The following DLG2 variants were observed in gnomAD, a reference collection of about 807,000 sequenced individuals.
DLG2 encodes the protein disks large homolog 2.
DLG2 carries 45 observed loss-of-function variants against 132.5 expected under a neutral mutation model. The observed-to-expected ratio is 0.34, with a 90% confidence interval of 0.27 to 0.44. The LOEUF (loss-of-function observed/expected upper bound fraction) is 0.44. DLG2 is among the 20% of genes least tolerant of loss of function. The probability of loss-of-function intolerance (pLI) is 1.00; values close to 1 mark genes in which losing one functional copy is unlikely to be tolerated. For synonymous variants in DLG2, 424 were observed against 419.6 expected (o/e 1.01, Z -0.13); for missense variants, 1,045 against 1,196.9 (o/e 0.87, Z 1.87).
At chr11:83,808,759 C>T (rs773497963) in intron 17 of DLG2, among the ~76,000 whole-genome samples, 1 of 152,146 alleles carries the variant, frequency 6.6e-6, no homozygotes, top group Non-Finnish European at 1.5e-5. Flanking sequence ...GTACACTGCA[C>T]TGTACACCGT....
intron 9 of DLG2, among the ~76,000 whole-genome samples, chr11:84,112,240 C>T (rs2093389933): frequency 6.6e-6 from 1 of 151,848 alleles, no homozygotes; most frequent in Non-Finnish European, 1.5e-5. Context: ...CCCCGTGATC[C>T]ACCCGCCTCG....
intron 6 of DLG2, among the ~76,000 whole-genome samples, chr11:84,562,739 T>C (rs1339814532): frequency 2.0e-5 from 3 of 151,842 alleles, no homozygotes; most frequent in African/African-American, 7.3e-5. Flanking sequence ...CTCTTTTTCT[T>C]TCTTTCTTTC....
intron 21 of DLG2, among the ~76,000 whole-genome samples, chr11:83,528,318 A>C (rs1175924015): frequency 6.6e-6 from 1 of 152,178 alleles, no homozygotes; most frequent in Non-Finnish European, 1.5e-5. Context: ...TTCAAAATCC[A>C]ATAAGCTTCT....
At chr11:84,604,144 T>G (rs2099581395) in intron 6 of DLG2, among the ~76,000 whole-genome samples, 1 of 151,940 alleles carries the variant, frequency 6.6e-6, no homozygotes, top group African/African-American at 2.4e-5. Flanking sequence ...TTGACTAAGA[T>G]TGCATAACTA....
intron 18 of DLG2, among the ~76,000 whole-genome samples, chr11:83,748,463 T>C (rs1014403378): frequency 2.0e-5 from 3 of 152,216 alleles, no homozygotes; most frequent in East Asian, 1.9e-4. Flanking sequence ...CTTTTTCTAC[T>C]GTATTAGCCC....
At chr11:84,620,001 G>C (rs1286145182) in intron 6 of DLG2, among the ~76,000 whole-genome samples, 1 of 150,488 alleles carries the variant, frequency 6.6e-6, no homozygotes, top group Non-Finnish European at 1.5e-5. Context: ...CACACCTGAA[G>C]AAAAATAAAA....
intron 6 of DLG2, among the ~76,000 whole-genome samples, chr11:84,739,740 A>C (rs922090292): frequency 6.6e-6 from 1 of 152,222 alleles, no homozygotes; most frequent in African/African-American, 2.4e-5. Context: ...AGGGAAGACA[A>C]ACTAGGTGAA....
intron 7 of DLG2, among the ~76,000 whole-genome samples, chr11:84,438,020 G>A (rs931889960): frequency 3.9e-5 from 6 of 152,294 alleles, no homozygotes; most frequent in African/African-American, 1.4e-4. Flanking sequence ...CAGGCAAGGG[G>A]AGAGGCAGAA....
intron 4 of DLG2, among the ~76,000 whole-genome samples, chr11:85,209,445 C>CTTTATT (rs1554987297): frequency 1.3e-5 from 1 of 74,434 alleles, no homozygotes; most frequent in Admixed American, 2.0e-4. Context: ...AGAAATCAGT[C>CTTTATT]TTTTTTTTTT....
rs114994063 is a variant in DLG2, at chr11:85,430,914, A to C, written c.41-145549T>G. ...TTGAATCTGGGAGGCAGAGGTTGCA[A>C]TGAGCCAAGATTACACCACTGTATT... On this transcript the variant is annotated intron_variant, in intron 3 of 27. Transcript: ENST00000376104. Among the ~76,000 whole-genome samples the C allele has an allele frequency of 3.1e-3, 464 of 152,120 alleles. 1 individual carries two copies. Among genetic ancestry groups the C allele is most frequent in the African/African-American group, 0.011 (447 of 41,516 alleles).
At chr11:85,350,338 T>C (rs552828604) in intron 3 of DLG2, among the ~76,000 whole-genome samples, 2 of 152,168 alleles carry the variant, frequency 1.3e-5, no homozygotes, top group East Asian at 1.9e-4. Context: ...ATTGCAAAAA[T>C]TTTCCCCCAT....
intron 8 of DLG2, among the ~76,000 whole-genome samples, chr11:84,172,692 G>A (rs71468364): frequency 0.057 from 8,668 of 151,878 alleles, 308 homozygotes; most frequent in African/African-American, 0.089. Flanking sequence ...ACAGGCACCC[G>A]CCACCATGCG....
At chr11:83,879,488 A>G (rs2065604368) in intron 15 of DLG2, among the ~76,000 whole-genome samples, 1 of 151,976 alleles carries the variant, frequency 6.6e-6, no homozygotes, top group African/African-American at 2.4e-5. Context: ...CTACCTTAAT[A>G]TTTCTTTCTT....
chr11:85,184,036 G>C (rs373320499), intron 4 of DLG2, among the ~76,000 whole-genome samples: 1 of 151,844 alleles, frequency 6.6e-6, no homozygotes, highest in East Asian at 1.9e-4. Flanking sequence ...TAATTTCCAA[G>C]GGTTATACAG....
intron 6 of DLG2, among the ~76,000 whole-genome samples, chr11:84,793,038 T>C (rs2074087744): frequency 6.6e-6 from 1 of 152,108 alleles, no homozygotes; most frequent in African/African-American, 2.4e-5. Flanking sequence ...TTTTTTGAGG[T>C]AGGCACTTAT....
chr11:84,082,400 A>G (rs907454783), intron 10 of DLG2, among the ~76,000 whole-genome samples: 9 of 152,174 alleles, frequency 5.9e-5, no homozygotes, highest in Admixed American at 5.9e-4. Context: ...CAAATTTTCT[A>G]TGAGGTACAT....
chr11:83,512,419 G>A (rs1026805260), intron 21 of DLG2, among the ~76,000 whole-genome samples: 1 of 152,074 alleles, frequency 6.6e-6, no homozygotes, highest in Non-Finnish European at 1.5e-5. Context: ...CAATAAACGA[G>A]TAATACAAAT....
intron 9 of DLG2, 83 bp from the exon 10 acceptor site, chr11:84,099,130 C>T: frequency 7.9e-7 from 1 of 1,273,538 alleles, no homozygotes; most frequent in Non-Finnish European, 1.1e-6. Context: ...TATCATGTTA[C>T]TACTCAAATG....
intron 7 of DLG2, among the ~76,000 whole-genome samples, chr11:84,397,681 C>T (rs560009228): frequency 1.3e-5 from 2 of 152,314 alleles, no homozygotes; most frequent in South Asian, 4.1e-4. Context: ...GACGTGAGAG[C>T]TATAAGTCTT....
Sources: allele counts gnomAD v4.1 joint callset (sites outside exome capture counted in the v4.1 genomes callset), GRCh38; gene constraint gnomAD v4.1.1; transcripts MANE v1.5; gene names NCBI Gene and HGNC (gene_info 2026-07-23, HGNC 2026-07-21).